NOL4: variants seen among roughly 807,000 people sequenced by gnomAD.
NOL4 encodes the protein cancer/testis antigen 125.
Under a neutral mutation model 75.9 loss-of-function variants are expected in NOL4, and 17 were observed. The observed-to-expected ratio is 0.22, with a 90% CI of 0.15 to 0.34. The LOEUF (loss-of-function observed/expected upper bound fraction) is 0.34. NOL4 is among the 10% of genes least tolerant of loss of function. The pLI, the probability that NOL4 is intolerant of heterozygous loss-of-function variation, is 1.00. For missense variants in NOL4, 614 were observed against 793.5 expected, an observed-to-expected ratio of 0.77 and a Z score of 2.72; for synonymous variants, 292 against 289.9, an observed-to-expected ratio of 1.01 and a Z score of -0.07.
chr18:34,002,878 T>C (rs1034865595), intron 6 of NOL4, among the ~76,000 whole-genome samples: 7 of 152,120 alleles, frequency 4.6e-5, no homozygotes, highest in South Asian at 2.1e-4. Flanking sequence ...TTTACTCTAC[T>C]GTAATTGAAG....
intron 1 of NOL4, among the ~76,000 whole-genome samples, chr18:34,221,865 C>G (rs2037332191): frequency 6.6e-6 from 1 of 152,156 alleles, no homozygotes; most frequent in Non-Finnish European, 1.5e-5. Flanking sequence ...TTCAAAGCGT[C>G]TCCTTTCTAG....
At chr18:33,853,154 G>C in intron 10 of NOL4, 119 bp from the exon 11 acceptor site, 1 of 848,124 alleles carries the variant, frequency 1.2e-6, no homozygotes, top group African/African-American at 1.7e-5. Context: ...AGAAGCTAGT[G>C]ATCTCTTTAA....
chr18:33,945,836 A>G (rs913643722), intron 8 of NOL4, among the ~76,000 whole-genome samples: 2 of 151,740 alleles, frequency 1.3e-5, no homozygotes, highest in Non-Finnish European at 3.0e-5. Flanking sequence ...CAATGGCCAT[A>G]GAAGTCATCC....
At chr18:34,174,152 A>G (rs1470869229) in intron 1 of NOL4, among the ~76,000 whole-genome samples, 1 of 152,110 alleles carries the variant, frequency 6.6e-6, no homozygotes, top group African/African-American at 2.4e-5. Context: ...TGTCCTACCA[A>G]TTTGCTTGCT....
At chr18:34,126,623 C>T (rs1018297060) in intron 2 of NOL4, among the ~76,000 whole-genome samples, 1 of 152,186 alleles carries the variant, frequency 6.6e-6, no homozygotes, top group East Asian at 1.9e-4. Flanking sequence ...TGTGTCTGAA[C>T]TCGCTTACCC....
intron 6 of NOL4, among the ~76,000 whole-genome samples, chr18:34,005,880 G>T (rs138407304): frequency 6.6e-6 from 1 of 152,002 alleles, no homozygotes; most frequent in East Asian, 1.9e-4. Flanking sequence ...CTTGCTGCCT[G>T]CTGCTTTTGT....
chr18:34,007,802 T>C (rs2074121584), intron 6 of NOL4, among the ~76,000 whole-genome samples: 1 of 152,032 alleles, frequency 6.6e-6, no homozygotes, highest in Non-Finnish European at 1.5e-5. Context: ...AGTTGTATCA[T>C]GTCAGGCAGA....
At chr18:34,213,999 C>A (rs185748464) in intron 1 of NOL4, among the ~76,000 whole-genome samples, 96 of 152,198 alleles carry the variant, frequency 6.3e-4, no homozygotes, top group African/African-American at 2.3e-3. Flanking sequence ...TAGGATTTCT[C>A]CAATGGGAAA....
At chr18:33,854,962 C>A (rs1297728959) in intron 10 of NOL4, among the ~76,000 whole-genome samples, 1 of 152,048 alleles carries the variant, frequency 6.6e-6, no homozygotes, top group Non-Finnish European at 1.5e-5. Flanking sequence ...CACTTTCCTT[C>A]AGACCTTTGT....
intron 9 of NOL4, among the ~76,000 whole-genome samples, chr18:33,909,540 CTTAA>C (rs916144933): frequency 6.6e-6 from 1 of 152,124 alleles, no homozygotes; most frequent in African/African-American, 2.4e-5. Context: ...AAATCCTGAT[CTTAA>C]TTAATGATGC....
intron 5 of NOL4, among the ~76,000 whole-genome samples, chr18:34,071,443 A>ACACACACG (rs1223993612): frequency 2.0e-5 from 3 of 151,332 alleles, no homozygotes; most frequent in African/African-American, 7.3e-5. Context: ...AGACAGACAC[A>ACACACACG]CACACACACA....
intron 5 of NOL4, among the ~76,000 whole-genome samples, chr18:34,023,114 A>G (rs2075138221): frequency 6.6e-6 from 1 of 152,336 alleles, no homozygotes; most frequent in Non-Finnish European, 1.5e-5. Flanking sequence ...ACTCATTTGT[A>G]TCAAATATAC....
At chr18:33,855,022 A>G (rs1276071718) in intron 10 of NOL4, among the ~76,000 whole-genome samples, 1 of 151,956 alleles carries the variant, frequency 6.6e-6, no homozygotes, top group African/African-American at 2.4e-5. Context: ...GGCTATTCAC[A>G]TCTCCCAAGT....
At chr18:34,022,670 C>G (rs1407501106) in intron 5 of NOL4, among the ~76,000 whole-genome samples, 1 of 151,814 alleles carries the variant, frequency 6.6e-6, no homozygotes, top group East Asian at 1.9e-4. Context: ...CATTTGTGTT[C>G]TAGAATCCTT....
chr18:33,863,503 G>A (rs1187244121), intron 10 of NOL4, among the ~76,000 whole-genome samples: 1 of 152,138 alleles, frequency 6.6e-6, no homozygotes, highest in Non-Finnish European at 1.5e-5. Context: ...GGAGAAACTG[G>A]CCAAAACAAC....
At chr18:33,906,816 C>A (rs887534170) in intron 9 of NOL4, among the ~76,000 whole-genome samples, 7 of 152,074 alleles carry the variant, frequency 4.6e-5, no homozygotes, top group Non-Finnish European at 1.0e-4. Context: ...CTTTTCCACA[C>A]CCTTAGTGTT....
chr18:34,158,897 G>A (rs2030935840), intron 1 of NOL4, among the ~76,000 whole-genome samples: 1 of 152,170 alleles, frequency 6.6e-6, no homozygotes, highest in Admixed American at 6.5e-5. Flanking sequence ...TCTGGAAGAT[G>A]CTGAGATACA....
chr18:34,156,816 A>G (rs965748025), intron 1 of NOL4: 3 of 152,240 alleles, frequency 2.0e-5, no homozygotes, highest in Non-Finnish European at 4.4e-5. Context: ...CACTCTTAAT[A>G]AAAACATTCA....
intron 9 of NOL4, among the ~76,000 whole-genome samples, chr18:33,920,287 T>C (rs943227047): frequency 2.0e-5 from 3 of 152,100 alleles, no homozygotes; most frequent in Admixed American, 2.0e-4. Context: ...ATGAATATAT[T>C]GGTTGTACCC....
Sources: allele counts gnomAD v4.1 joint callset (sites outside exome capture counted in the v4.1 genomes callset), GRCh38; gene constraint gnomAD v4.1.1; transcripts MANE v1.5; gene names NCBI Gene and HGNC (gene_info 2026-07-23, HGNC 2026-07-21).